Variants in ADAD1 observed in about 807,000 individuals in gnomAD.
The protein encoded by ADAD1 is adenosine deaminase domain-containing protein 1.
A neutral mutation model predicts 66.8 loss-of-function variants in ADAD1; 46 were observed. The ratio of observed to expected loss-of-function variants is 0.69; its 90% CI spans 0.54 to 0.88. The LOEUF (loss-of-function observed/expected upper bound fraction) is 0.88. Among genes scored for constraint, ADAD1 ranks in the 40% least tolerant of loss-of-function variants. ADAD1 has a pLI of 0.00. For missense variants in ADAD1, 617 were observed against 681.8 expected, an observed-to-expected ratio of 0.91 and a Z score of 1.06; for synonymous variants, 248 against 229.4, an observed-to-expected ratio of 1.08 and a Z score of -0.73.
intron 7 of ADAD1, among the ~76,000 whole-genome samples, chr4:122,398,460 A>G (rs900624592): frequency 3.3e-5 from 5 of 152,092 alleles, no homozygotes; most frequent in African/African-American, 1.2e-4. Flanking sequence ...TCTTTTTCAT[A>G]TAATGACTTT....
intron 8 of ADAD1, among the ~76,000 whole-genome samples, chr4:122,408,894 A>T (rs1223097126): frequency 4.6e-5 from 7 of 152,136 alleles, no homozygotes; most frequent in African/African-American, 1.4e-4. Flanking sequence ...AAAAAAAAAA[A>T]ATCCTACAAT....
intron 6 of ADAD1, among the ~76,000 whole-genome samples, chr4:122,395,145 A>C (rs1580755956): frequency 6.6e-6 from 1 of 151,954 alleles, no homozygotes; most frequent in Non-Finnish European, 1.5e-5. Context: ...CTGCCTCCCA[A>C]GTTCAAGTGA....
chr4:122,387,186 CA>C (rs2150535575), intron 5 of ADAD1, among the ~76,000 whole-genome samples: 1 of 152,052 alleles, frequency 6.6e-6, no homozygotes, highest in East Asian at 1.9e-4. Flanking sequence ...AATGTTTTTC[CA>C]TTTGTTTGTG....
At chr4:122,385,218 A>G (rs192090493) in intron 5 of ADAD1, among the ~76,000 whole-genome samples, 55 of 152,000 alleles carry the variant, frequency 3.6e-4, no homozygotes, top group African/African-American at 1.3e-3. Flanking sequence ...TTTTAAAATT[A>G]TTTTTCATGT....
chr4:122,414,201 G>GT (rs1370581579), intron 10 of ADAD1, among the ~76,000 whole-genome samples: 1 of 132,420 alleles, frequency 7.6e-6, no homozygotes, highest in Non-Finnish European at 1.6e-5. Context: ...ACAATTTGAT[G>GT]TTTAAAGCAT....
chr4:122,397,568 C>A (rs1225288764), intron 7 of ADAD1, among the ~76,000 whole-genome samples: 1 of 151,998 alleles, frequency 6.6e-6, no homozygotes, highest in African/African-American at 2.4e-5. Context: ...CAATAATTGA[C>A]AAATAATTTT....
chr4:122,411,330 T>C lies in ADAD1; in HGVS notation c.957T>C (p.Asn319=). ...CTAATCTACTCACTCTTAAACAGAA[T>C]ATCAACATTTGCCTTTACATGAACC... is the stretch of plus-strand genomic sequence containing the variant. ...PTSNLLTLKQ[N]INICLYMNQL... The change falls in exon 9 of 13, where the codon AAT becomes AAC. Residue 319 remains asparagine (N), a synonymous_variant. Transcript: ENST00000296513. The C allele has an allele frequency of 1.2e-6, 2 of 1,613,426 alleles. No homozygotes were observed. The highest frequency in any genetic ancestry group is 1.7e-6 in the Non-Finnish European group (2 of 1,179,692).
chr4:122,429,551 A>C, intron 12 of ADAD1, 75 bp from the exon 13 acceptor site: 1 of 754,724 alleles, frequency 1.3e-6, no homozygotes, highest in Non-Finnish European at 2.1e-6. Context: ...CAAGCTAAAG[A>C]AACAGTATTG....
At chr4:122,428,423 G>A (rs1267583839) in intron 12 of ADAD1, among the ~76,000 whole-genome samples, 1 of 152,118 alleles carries the variant, frequency 6.6e-6, no homozygotes, top group Non-Finnish European at 1.5e-5. Flanking sequence ...TGTGTGATCA[G>A]CAATTCCACC....
chr4:122,384,296 G>A (rs1260046608), intron 5 of ADAD1, among the ~76,000 whole-genome samples: 5 of 152,114 alleles, frequency 3.3e-5, no homozygotes, highest in African/African-American at 4.8e-5. Context: ...AATACTTAGA[G>A]GTTTTAAATG....
At position 122,382,680 on chromosome 4, in the gene ADAD1, A is replaced by G. The variant is rs77300459; in HGVS notation, c.362-1119A>G. On this transcript the variant is annotated intron_variant, in intron 4 of 12. Transcript: ENST00000296513. ...GAGATCCTCCAACCTCAGCTTCCCA[A>G]AGTGATGGGATTATGAGTGTGAGCC... Among the ~76,000 whole-genome samples, 582 of 152,236 alleles carry G rather than the reference A, an allele frequency of 3.8e-3. 2 individuals carry two copies. Among genetic ancestry groups the G allele is most frequent in the Middle Eastern group, 6.8e-3 (2 of 294 alleles).
At chr4:122,403,589 G>A (rs183186014) in intron 7 of ADAD1, among the ~76,000 whole-genome samples, 40 of 152,210 alleles carry the variant, frequency 2.6e-4, no homozygotes, top group Admixed American at 1.2e-3. Flanking sequence ...GTTCTGTTAC[G>A]AGTTGCTGTA....
Position 122,398,682 on chromosome 4 carries a change from AGGT to A in ADAD1, c.724+2309_724+2311del, listed in dbSNP as rs148054607. Reference sequence around the variant, plus strand: ...AATTATAGCCAGTCTTGCAGGAGTAAGGTGGTATTGCATTGTGGTTTTGATTTG... The same window carrying A: ...AATTATAGCCAGTCTTGCAGGAGTAAGGTATTGCATTGTGGTTTTGATTTG... On this transcript the variant is annotated intron_variant, in intron 7 of 12. Coordinates refer to ENST00000296513, the MANE Select transcript of ADAD1 (RefSeq NM_139243.4). Among the ~76,000 whole-genome samples the A allele has an allele frequency of 7.4e-3, 1,121 of 152,236 alleles. 10 individuals carry two copies. Among genetic ancestry groups the A allele is most frequent in the South Asian group, 0.028 (137 of 4,818 alleles).
rs1794739390 is a variant in ADAD1 at position 122,379,047 on chromosome 4, C to G, written c.-151C>G. On this transcript the variant is annotated 5_prime_UTR_variant, in exon 1 of 13. Transcript: ENST00000296513. ...GGCCACAGTGGAGGCCAAGCCTTCC[C>G]CATGGGCACCTTCTCAGATTGCGAT... 6.6e-6 allele frequency: 1 copy of G among 152,316 alleles called. No individual in the cohort carries two copies. Among genetic ancestry groups the G allele is most frequent in the Admixed American group, 6.5e-5 (1 of 15,284 alleles). The allele number at this position is 152,316 out of a possible 1,614,324, so 9.4% of individuals were successfully genotyped here. A position where few individuals can be genotyped will look rare whatever the true frequency, so the allele number is the denominator to read the frequency against.
intron 5 of ADAD1, among the ~76,000 whole-genome samples, chr4:122,384,738 C>G (rs990603003): frequency 6.6e-6 from 1 of 152,132 alleles, no homozygotes; most frequent in Non-Finnish European, 1.5e-5. Flanking sequence ...GTAGGGCTAG[C>G]GAATGTTTTG....
rs774372601 is a variant in ADAD1 at position 122,411,224 on chromosome 4, A to G, written c.851A>G (p.Tyr284Cys). 2.4e-5 allele frequency: 38 copies of G among 1,586,270 alleles called. No homozygotes were observed. The South Asian group carries it at 4.4e-4, about 19-fold the overall frequency. The change falls in exon 9 of 13, where the codon TAC becomes TGC. Residue 284 changes from tyrosine (Y) to cysteine (C), a missense_variant and splice_region_variant. Coordinates refer to ENST00000296513, the MANE Select transcript of ADAD1 (RefSeq NM_139243.4). ...CAAAATTATAACATTTATTTTAGGT[A>G]CTTTTATAGACAACTTCTGCTCTTC... ...VVTARRSLLR[Y>C]FYRQLLLFYS...
rs574324481 is a variant in ADAD1, at chr4:122,412,577, T to C, written c.1020-3T>C. 6 of 1,612,568 alleles carry C rather than the reference T, an allele frequency of 3.7e-6. No individual in the cohort carries two copies. The South Asian group carries it at 5.5e-5, about 15-fold the overall frequency. ...AGGAAGAAACTTTCTTTTCTTTCTCTAGACGTCTTAATCCACATTCTATAT... is the reference window on the plus strand; with the variant it reads ...AGGAAGAAACTTTCTTTTCTTTCTCCAGACGTCTTAATCCACATTCTATAT... On this transcript the variant is annotated splice_polypyrimidine_tract_variant and splice_region_variant and intron_variant, in intron 9 of 12. Transcript: ENST00000296513.
intron 12 of ADAD1, among the ~76,000 whole-genome samples, chr4:122,429,064 AT>A (rs1451765102): frequency 8.6e-5 from 13 of 151,658 alleles, no homozygotes; most frequent in South Asian, 2.1e-4. Flanking sequence ...TTCCTTCTTT[AT>A]ATTTTGTCTG....
intron 12 of ADAD1, among the ~76,000 whole-genome samples, chr4:122,422,121 C>CTTTTTTTT: frequency 8.8e-6 from 1 of 113,856 alleles, no homozygotes; most frequent in Non-Finnish European, 1.7e-5. Context: ...CATGAACATC[C>CTTTTTTTT]TTTTTTTTTT....
Sources: gnomAD v4.1 joint callset for allele counts (sites outside exome capture counted in the v4.1 genomes callset) on GRCh38, gnomAD v4.1.1 for gene constraint, MANE v1.5 for transcripts, NCBI Gene and HGNC (gene_info 2026-07-23, HGNC 2026-07-21) for gene names.